Variants in TASP1 observed in about 807,000 individuals in gnomAD.
TASP1 encodes the protein threonine aspartase 1.
TASP1 carries 16 observed loss-of-function variants against 56.6 expected under a neutral mutation model. That is an observed-to-expected ratio of 0.28 (90% CI 0.19 to 0.43). TASP1 has a LOEUF of 0.43. TASP1 is among the 20% of genes least tolerant of loss of function. The pLI, the probability that TASP1 is intolerant of heterozygous loss-of-function variation, is 1.00. For synonymous variants in TASP1, 179 were observed against 184.2 expected (o/e 0.97, Z 0.23); for missense variants, 393 against 511.6 (o/e 0.77, Z 2.24).
At chr20:13,542,372 C>T (rs1197362736) in intron 8 of TASP1, among the ~76,000 whole-genome samples, 2 of 152,096 alleles carry the variant, frequency 1.3e-5, no homozygotes, top group African/African-American at 2.4e-5. Context: ...TTAAAAGCCT[C>T]AAATTTATGT....
chr20:13,550,371 T>C (rs549848995), intron 8 of TASP1, among the ~76,000 whole-genome samples: 1 of 152,012 alleles, frequency 6.6e-6, no homozygotes, highest in Non-Finnish European at 1.5e-5. Flanking sequence ...AAGACATTAA[T>C]TAAGTTACTG....
chr20:13,636,542 C>A (rs2049318187), intron 1 of TASP1, among the ~76,000 whole-genome samples: 1 of 151,942 alleles, frequency 6.6e-6, no homozygotes, highest in South Asian at 2.1e-4. Flanking sequence ...AATTCATCTT[C>A]TAACCAGTAA....
chr20:13,220,913 G>C, the TASP1 span, among the ~76,000 whole-genome samples: 1 of 151,218 alleles, frequency 6.6e-6, no homozygotes, highest in Non-Finnish European at 1.5e-5. Context: ...CCGAGCCTCA[G>C]TGTGCACAAG....
chr20:13,487,509 GGTCATCTCACATTAATCCT>G (rs1430652888), intron 10 of TASP1, among the ~76,000 whole-genome samples: 1 of 152,130 alleles, frequency 6.6e-6, no homozygotes, highest in Non-Finnish European at 1.5e-5. Context: ...TCTACGGCCA[GGTCATCTCACATTAATCCT>G]AACCCTTACT....
the TASP1 span, among the ~76,000 whole-genome samples, chr20:13,181,205 G>T: frequency 6.6e-6 from 1 of 152,184 alleles, no homozygotes; most frequent in Non-Finnish European, 1.5e-5. Context: ...TGGCCTCTTT[G>T]CCACCAGGGG....
rs1215124578 is a variant in TASP1, at chr20:13,630,058, C to T, written c.21G>A (p.Met7Ile). 6.2e-7 allele frequency: 1 copy of T among 1,613,316 alleles called. No individual in the cohort carries two copies. Among genetic ancestry groups the T allele is most frequent in the Non-Finnish European group, 8.5e-7 (1 of 1,179,834 alleles). MTMEKG[M>I]SSGEGLPSRS... ...TGGAAGGCAGCCCTTCTCCAGAACT[C>T]ATCCCCTTCTCCATGGTCATTCTCC... The change falls in exon 2 of 14, where the codon ATG (methionine) becomes ATA (isoleucine). Residue 7 changes from methionine (M) to isoleucine (I), a missense_variant. Physicochemically the swap from Met to Ile is conservative, Grantham distance 10. Coordinates refer to ENST00000337743, the MANE Select transcript of TASP1 (RefSeq NM_017714.3).
the TASP1 span, chr20:13,222,030 C>T: frequency 2.0e-6 from 2 of 1,021,922 alleles, no homozygotes; most frequent in Non-Finnish European, 2.5e-6. Flanking sequence ...CACCTAAGAG[C>T]AACTGTTTTG....
intron 1 of TASP1, among the ~76,000 whole-genome samples, chr20:13,634,567 T>C (rs2049219688): frequency 6.6e-6 from 1 of 152,022 alleles, no homozygotes; most frequent in Non-Finnish European, 1.5e-5. Context: ...CCGTCTCTAC[T>C]AAAAATACAA....
the TASP1 span, among the ~76,000 whole-genome samples, chr20:13,242,496 G>A: frequency 6.6e-6 from 1 of 152,164 alleles, no homozygotes; most frequent in African/African-American, 2.4e-5. Context: ...TATCATGGAG[G>A]AAAAGCCCGA....
chr20:13,134,419 T>G, the TASP1 span, among the ~76,000 whole-genome samples: 9 of 152,314 alleles, frequency 5.9e-5, no homozygotes, highest in African/African-American at 2.2e-4. Flanking sequence ...TCACTGATGT[T>G]GGGGAAAGTT....
Position 13,630,166 on chromosome 20 carries a change from G to C in TASP1, c.-74-14C>G. 7.2e-7 allele frequency: 1 copy of C among 1,386,646 alleles called. No homozygotes were observed. Among genetic ancestry groups the C allele is most frequent in the Non-Finnish European group, 9.7e-7 (1 of 1,028,586 alleles). The allele number at this position is 1,386,646 out of a possible 1,614,324, so 85.9% of individuals were successfully genotyped here. A position where few individuals can be genotyped will look rare whatever the true frequency, so the allele number is the denominator to read the frequency against. ...AGAGGAATTACCCTAAAGGAAAACA[G>C]GCAAAGATGGTATACATTTCTTTCC... On this transcript the variant is annotated splice_polypyrimidine_tract_variant and intron_variant, in intron 1 of 13. Transcript: ENST00000337743.
chr20:13,517,621 C>G lies in TASP1; in HGVS notation c.874+10812G>C, dbSNP rs146188601. Among the ~76,000 whole-genome samples, 282 of 152,100 alleles carry G rather than the reference C, an allele frequency of 1.9e-3. 1 individual carries two copies. The highest frequency in any genetic ancestry group is 6.4e-3 in the African/African-American group (265 of 41,520). On this transcript the variant is annotated intron_variant, in intron 10 of 13. Coordinates refer to ENST00000337743, the MANE Select transcript of TASP1 (RefSeq NM_017714.3). Reference sequence around the variant, plus strand: ...ATTTCACAATCAGGAAAAAAATCTACTCATTTAAAATCTCTAAGATACAAG... The same window carrying G: ...ATTTCACAATCAGGAAAAAAATCTAGTCATTTAAAATCTCTAAGATACAAG...
intron 1 of TASP1, among the ~76,000 whole-genome samples, chr20:13,633,112 G>T (rs994620661): frequency 3.3e-5 from 5 of 152,116 alleles, no homozygotes; most frequent in African/African-American, 1.2e-4. Context: ...CCCGAAAAAT[G>T]TCTTGATGGA....
chr20:13,365,983 G>T, the TASP1 span, among the ~76,000 whole-genome samples: 1 of 152,200 alleles, frequency 6.6e-6, no homozygotes, highest in Non-Finnish European at 1.5e-5. Context: ...TGTTTGCAGA[G>T]ATGAGGAAAA....
chr20:13,186,670 T>C, the TASP1 span, among the ~76,000 whole-genome samples: 250 of 152,306 alleles, frequency 1.6e-3, 1 homozygote, highest in African/African-American at 5.8e-3. Flanking sequence ...TAAAGAGGAA[T>C]CTGCAGGGAA....
At chr20:13,456,487 C>CA (rs1170350090) in intron 11 of TASP1, among the ~76,000 whole-genome samples, 1 of 152,042 alleles carries the variant, frequency 6.6e-6, no homozygotes, top group African/African-American at 2.4e-5. Context: ...TAAAGGGTGC[C>CA]AATTATTCTT....
chr20:13,298,895 G>C, the TASP1 span: 1 of 1,588,008 alleles, frequency 6.3e-7, no homozygotes, highest in African/African-American at 1.3e-5. Context: ...ACCTCCTGTG[G>C]GCCGGTTGTA....
At chr20:13,612,491 A>AAC (rs34343791) in intron 4 of TASP1, among the ~76,000 whole-genome samples, 24,559 of 143,808 alleles carry the variant, frequency 0.17, 3,523 homozygotes, top group African/African-American at 0.41. Context: ...ATTTGTAGCA[A>AAC]ACACACACAC....
At chr20:13,449,557 A>T (rs566599737) in intron 11 of TASP1, among the ~76,000 whole-genome samples, 2 of 152,248 alleles carry the variant, frequency 1.3e-5, no homozygotes, top group East Asian at 1.9e-4. Context: ...AAATAAATAA[A>T]TCTATTTTAT....
Sources: gnomAD v4.1 joint callset for allele counts (sites outside exome capture counted in the v4.1 genomes callset) on GRCh38, gnomAD v4.1.1 for gene constraint, MANE v1.5 for transcripts, NCBI Gene and HGNC (gene_info 2026-07-23, HGNC 2026-07-21) for gene names.